PRPSAP2: variants seen among roughly 807,000 people sequenced by gnomAD.
The protein encoded by PRPSAP2 is phosphoribosyl pyrophosphate synthase-associated protein 2.
Under a neutral mutation model 40.6 loss-of-function variants are expected in PRPSAP2, and 24 were observed. The observed-to-expected ratio is 0.59, with a 90% CI of 0.43 to 0.83. The LOEUF is 0.83. Ranked by LOEUF, PRPSAP2 falls within the 40% of genes least tolerant of loss-of-function variation. The pLI is 0.00. For synonymous variants in PRPSAP2, 149 were observed against 164.7 expected (o/e 0.90, Z 0.73); for missense variants, 292 against 465.6 (o/e 0.63, Z 3.43).
At chr17:18,866,401 A>G (rs1266807005) in intron 3 of PRPSAP2, among the ~76,000 whole-genome samples, 1 of 152,130 alleles carries the variant, frequency 6.6e-6, no homozygotes, top group East Asian at 1.9e-4. Flanking sequence ...CGCGTCTACT[A>G]AAAATACAAA....
chr17:18,913,541 C>CTTTTTTTTT (rs35697920), intron 9 of PRPSAP2, among the ~76,000 whole-genome samples: 4 of 73,952 alleles, frequency 5.4e-5, no homozygotes, highest in Admixed American at 1.8e-4. Context: ...GCGTCTGGTT[C>CTTTTTTTTT]TTTTTTTTTT....
At chr17:18,882,317 A>G (rs1312032317) in intron 6 of PRPSAP2, among the ~76,000 whole-genome samples, 1 of 150,408 alleles carries the variant, frequency 6.6e-6, no homozygotes, top group African/African-American at 2.4e-5. Flanking sequence ...TTCGAGACCA[A>G]CCTGGCCAAT....
At chr17:18,897,257 C>T (rs74844627) in intron 8 of PRPSAP2, among the ~76,000 whole-genome samples, 11,055 of 152,172 alleles carry the variant, frequency 0.073, 437 homozygotes, top group Admixed American at 0.098. Flanking sequence ...CATGCCCAGC[C>T]CAAAGTTTGC....
intron 4 of PRPSAP2, among the ~76,000 whole-genome samples, chr17:18,868,352 A>G (rs2037581003): frequency 6.6e-6 from 1 of 151,910 alleles, no homozygotes; most frequent in Non-Finnish European, 1.5e-5. Flanking sequence ...GCAGGCGCCT[A>G]TAATCCCAGC....
intron 11 of PRPSAP2, among the ~76,000 whole-genome samples, chr17:18,930,188 C>T (rs559188693): frequency 7.9e-5 from 12 of 152,164 alleles, no homozygotes; most frequent in East Asian, 1.9e-4. Flanking sequence ...CTGGCTAACG[C>T]GGTGAAACCC....
At chr17:18,885,217 A>G (rs1446158385) in intron 7 of PRPSAP2, among the ~76,000 whole-genome samples, 1 of 151,948 alleles carries the variant, frequency 6.6e-6, no homozygotes, top group Admixed American at 6.6e-5. Flanking sequence ...CCTCGGCAAT[A>G]TGGCAAAACC....
rs569018827 is a variant in PRPSAP2, at chr17:18,918,746, G to A, written c.734-5168G>A. Among the ~76,000 whole-genome samples the A allele has an allele frequency of 2.1e-4, 32 of 152,246 alleles. 1 individual carries two copies. In the South Asian group the frequency reaches 6.6e-3, roughly 32 times the overall value. On this transcript the variant is annotated intron_variant, in intron 9 of 11. Coordinates refer to ENST00000268835, the MANE Select transcript of PRPSAP2 (RefSeq NM_002767.4). ...TATGCTGTCCAGTCGGGTGGCCACT[G>A]GCTACATGTGGCTCCTGCACACTGG...
intron 10 of PRPSAP2, 190 bp from the exon 11 acceptor site, chr17:18,928,621 C>T (rs1368404168): frequency 3.0e-5 from 19 of 637,548 alleles, no homozygotes; most frequent in Non-Finnish European, 2.8e-6. Flanking sequence ...GGAAGAGGCT[C>T]GTGTGAAAGT....
chr17:18,868,035 C>T (rs1448569746), intron 4 of PRPSAP2, among the ~76,000 whole-genome samples: 1 of 151,956 alleles, frequency 6.6e-6, no homozygotes, highest in Non-Finnish European at 1.5e-5. Flanking sequence ...ACTAGGGAGG[C>T]TGAGGTGGAA....
intron 11 of PRPSAP2, among the ~76,000 whole-genome samples, chr17:18,930,242 G>A (rs572378061): frequency 4.6e-5 from 7 of 152,226 alleles, no homozygotes; most frequent in African/African-American, 1.4e-4. Flanking sequence ...GCGTGGTGGC[G>A]GGCGCCTGTC....
chr17:18,864,222 T>A (rs2037263468), intron 1 of PRPSAP2, among the ~76,000 whole-genome samples: 1 of 152,072 alleles, frequency 6.6e-6, no homozygotes, highest in Admixed American at 6.6e-5. Context: ...CCTACCAAAC[T>A]GATAAGAACC....
intron 4 of PRPSAP2, among the ~76,000 whole-genome samples, chr17:18,867,954 G>A (rs1006232713): frequency 1.3e-5 from 2 of 151,496 alleles, no homozygotes; most frequent in South Asian, 4.2e-4. Context: ...TGGGCAACAC[G>A]GCAAAACCCT....
intron 9 of PRPSAP2, among the ~76,000 whole-genome samples, chr17:18,922,308 C>T (rs745438250): frequency 6.6e-6 from 1 of 152,158 alleles, no homozygotes; most frequent in Non-Finnish European, 1.5e-5. Context: ...TACCTGGTAT[C>T]GGAATTGCTG....
At chr17:18,872,849 C>CT (rs950904446) in intron 5 of PRPSAP2, among the ~76,000 whole-genome samples, 200 bp downstream of exon 5, 69 of 146,250 alleles carry the variant, frequency 4.7e-4, no homozygotes, top group South Asian at 1.1e-3. Context: ...TTCTTTCTTT[C>CT]TTTTTTTTTT....
chr17:18,873,002 TG>T, intron 5 of PRPSAP2, among the ~76,000 whole-genome samples: 1 of 151,564 alleles, frequency 6.6e-6, no homozygotes, highest in African/African-American at 2.4e-5. Context: ...CCACCACGCC[TG>T]GCTAATTTTT....
chr17:18,870,545 C>T lies in PRPSAP2; in HGVS notation c.173-2038C>T, dbSNP rs554652759. ...ACTACAGGCAGGGCATGGTGGCTCA[C>T]ACCTGTAATCCCAGCACTTTGTGGG... is the stretch of plus-strand genomic sequence containing the variant. On this transcript the variant is annotated intron_variant, in intron 4 of 11. Coordinates refer to ENST00000268835, the MANE Select transcript of PRPSAP2 (RefSeq NM_002767.4). Among the ~76,000 whole-genome samples the T allele has an allele frequency of 8.3e-4, 127 of 152,230 alleles. 1 individual carries two copies. Among genetic ancestry groups the T allele is most frequent in the Non-Finnish European group, 1.4e-3 (98 of 68,024 alleles).
chr17:18,889,968 G>T, intron 8 of PRPSAP2, 91 bp downstream of exon 8: 2 of 1,135,380 alleles, frequency 1.8e-6, no homozygotes, highest in Non-Finnish European at 2.5e-6. Flanking sequence ...AACTTCAGTG[G>T]TTCCCAGCGA....
intron 10 of PRPSAP2, among the ~76,000 whole-genome samples, chr17:18,927,908 A>G (rs1216852854): frequency 6.6e-6 from 1 of 151,890 alleles, no homozygotes; most frequent in Non-Finnish European, 1.5e-5. Flanking sequence ...CCTCCCAAGT[A>G]GCTAGGACTA....
chr17:18,896,683 C>T (rs552827212), intron 8 of PRPSAP2, among the ~76,000 whole-genome samples: 59 of 139,348 alleles, frequency 4.2e-4, no homozygotes, highest in African/African-American at 1.5e-3. Context: ...TGCTCATCTA[C>T]TCTGGGGATG....
Sources: allele counts gnomAD v4.1 joint callset (sites outside exome capture counted in the v4.1 genomes callset), GRCh38; gene constraint gnomAD v4.1.1; transcripts MANE v1.5; gene names NCBI Gene and HGNC (gene_info 2026-07-23, HGNC 2026-07-21).